Variants in PRKDC observed in about 807,000 individuals in gnomAD.
PRKDC encodes the protein DNA-dependent protein kinase catalytic subunit.
In PRKDC, 82 loss-of-function variants were observed where a neutral mutation model predicts 486.9. The observed-to-expected ratio is 0.17, with a 90% CI of 0.14 to 0.20. PRKDC has a LOEUF of 0.20. Among genes scored for constraint, PRKDC ranks in the 10% least tolerant of loss-of-function variants. PRKDC has a pLI of 1.00. For missense variants in PRKDC, 4,504 were observed against 5,038.2 expected (o/e 0.89, Z 3.21); for synonymous variants, 1,895 against 1,837.0 (o/e 1.03, Z -0.81).
At chr8:47,941,446 G>A (rs1048632984) in intron 10 of PRKDC, among the ~76,000 whole-genome samples, 5 of 152,228 alleles carry the variant, frequency 3.3e-5, no homozygotes, top group South Asian at 2.1e-4. Context: ...CCTGGAAGCC[G>A]AGACCCAACA....
intron 4 of PRKDC, among the ~76,000 whole-genome samples, chr8:47,955,228 C>T (rs1278904464): frequency 1.3e-5 from 2 of 151,400 alleles, no homozygotes; most frequent in Non-Finnish European, 2.9e-5. Flanking sequence ...TTTGGGAGGC[C>T]GAGGCGGGCG....
intron 20 of PRKDC, 110 bp from the exon 21 acceptor site, chr8:47,927,463 A>G: frequency 1.6e-6 from 2 of 1,260,660 alleles, no homozygotes; most frequent in Non-Finnish European, 2.2e-6. Flanking sequence ...TTATTACTGG[A>G]TGCCCGACAC....
chr8:47,834,876 G>C (rs1476136164), intron 58 of PRKDC, among the ~76,000 whole-genome samples: 1 of 151,868 alleles, frequency 6.6e-6, no homozygotes, highest in Non-Finnish European at 1.5e-5. Context: ...ATTTTTAGTA[G>C]AGACGGGGTT....
At chr8:47,824,819 T>C (rs886109936) in intron 63 of PRKDC, among the ~76,000 whole-genome samples, 1 of 152,194 alleles carries the variant, frequency 6.6e-6, no homozygotes, top group Non-Finnish European at 1.5e-5. Flanking sequence ...AGGAAATTTC[T>C]TTCCATCTTG....
chr8:47,911,830 C>A (rs1168571405), intron 25 of PRKDC, among the ~76,000 whole-genome samples: 1 of 151,632 alleles, frequency 6.6e-6, no homozygotes, highest in African/African-American at 2.4e-5. Context: ...AGTGCAGTGG[C>A]GTGATCTCAG....
chr8:47,855,266 C>G lies in PRKDC; in HGVS notation c.6717G>C (p.Lys2239Asn), dbSNP rs2088508650. The G allele has an allele frequency of 1.2e-6, 2 of 1,604,634 alleles. No individual in the cohort carries two copies. Among genetic ancestry groups the G allele is most frequent in the Non-Finnish European group, 8.5e-7 (1 of 1,175,158 alleles). Residue 2239 changes from lysine (K) to asparagine (N), a missense_variant, in exon 50 of 86, where the codon AAG becomes AAC. Lys to Asn is a moderately conservative substitution (Grantham distance 94). Around this residue, in one of 6 missense-constraint regions of PRKDC, gnomAD observed 1,592 missense variants for 1,724.6 expected, o/e 0.92. Coordinates refer to ENST00000314191, the MANE Select transcript of PRKDC (RefSeq NM_006904.7). ...AATCCTTCCAGCACTCGACAAGGGTCTTTATAATTTCAAGGTTGTGTCTAA... is the reference window on the plus strand; with the variant it reads ...AATCCTTCCAGCACTCGACAAGGGTGTTTATAATTTCAAGGTTGTGTCTAA... ...AVFRHNLEII[K>N]TLVECWKDCL...
chr8:47,876,542 TC>T (rs536628847), intron 40 of PRKDC, among the ~76,000 whole-genome samples: 24 of 151,856 alleles, frequency 1.6e-4, no homozygotes, highest in African/African-American at 5.6e-4. Flanking sequence ...GTGCCTGTAA[TC>T]CCAGCTACTC....
chr8:47,812,439 T>C (rs775269911), intron 68 of PRKDC, among the ~76,000 whole-genome samples: 5 of 152,234 alleles, frequency 3.3e-5, no homozygotes, highest in Non-Finnish European at 7.3e-5. Flanking sequence ...GGGTGTTTTC[T>C]GACCACAGTG....
In PRKDC at chr8:47,948,207, G is replaced by A. The variant is rs533301829; in HGVS notation, c.722-4178C>T. 1.9e-4 allele frequency among the ~76,000 whole-genome samples: 29 copies of A among 151,996 alleles called. No individual in the cohort carries two copies. In the South Asian group the frequency reaches 2.5e-3, roughly 13 times the overall value. On this transcript the variant is annotated intron_variant, in intron 7 of 85. Transcript: ENST00000314191. ...TTGCCAGGCTGGAGGGCAGTGGCGC[G>A]ATCTCGGGTCACTGCAGCCTCTGCC...
intron 22 of PRKDC, 145 bp downstream of exon 22, chr8:47,918,132 C>A: frequency 2.0e-6 from 1 of 505,658 alleles, no homozygotes; most frequent in Non-Finnish European, 3.3e-6. Context: ...CATGCCTGGT[C>A]AATATATTAA....
chr8:47,777,065 T>C (rs966617714), intron 84 of PRKDC, 82 bp from the exon 85 acceptor site: 1 of 1,488,722 alleles, frequency 6.7e-7, no homozygotes, highest in Non-Finnish European at 9.0e-7. Context: ...CTAGTAATGA[T>C]CTTAAAGTAA....
chr8:47,817,492 T>G lies in PRKDC; in HGVS notation c.9515A>C (p.Lys3172Thr), dbSNP rs1307279928. Residue 3172 changes from lysine (K) to threonine (T), a missense_variant, in exon 68 of 86, where the codon AAA (lysine) becomes ACA (threonine). By Grantham distance (78) the Lys-to-Thr change is moderately conservative. Coordinates refer to ENST00000314191, the MANE Select transcript of PRKDC (RefSeq NM_006904.7). ...ATCCCAGATGTTCATTGGGTCCATT[T>G]TAGCATCTGGATATCTGTTTGTCCA... The part of the protein sequence containing the change: ...NTWTNRYPDA[K>T]MDPMNIWDDI... The G allele has an allele frequency of 2.2e-5, 35 of 1,608,158 alleles. No homozygotes were observed. The highest frequency in any genetic ancestry group is 2.9e-5 in the Non-Finnish European group (34 of 1,176,942).
At chr8:47,941,272 C>G (rs1554646002) in intron 10 of PRKDC, among the ~76,000 whole-genome samples, 1 of 152,164 alleles carries the variant, frequency 6.6e-6, no homozygotes, top group Non-Finnish European at 1.5e-5. Context: ...CCTCTTTCTT[C>G]CTCTCTCCTC....
At chr8:47,932,957 T>A in intron 16 of PRKDC, 63 bp downstream of exon 16, 2 of 1,429,160 alleles carry the variant, frequency 1.4e-6, no homozygotes, top group Non-Finnish European at 1.9e-6. Context: ...CCCCTAAATA[T>A]TTATATGCAA....
intron 40 of PRKDC, among the ~76,000 whole-genome samples, chr8:47,877,231 T>C (rs1318214122): frequency 1.3e-5 from 2 of 152,318 alleles, no homozygotes; most frequent in Admixed American, 6.5e-5. Flanking sequence ...AACAGTGAAA[T>C]GCCATGTATG....
chr8:47,843,614 T>C (rs2088200786), intron 54 of PRKDC, among the ~76,000 whole-genome samples: 2 of 152,040 alleles, frequency 1.3e-5, no homozygotes, highest in South Asian at 2.1e-4. Context: ...CCAAGGTCGA[T>C]GTGAAAGAAA....
intron 76 of PRKDC, among the ~76,000 whole-genome samples, chr8:47,787,425 T>C (rs2086809036): frequency 6.6e-6 from 1 of 152,252 alleles, no homozygotes; most frequent in Non-Finnish European, 1.5e-5. Context: ...CATCATCCTA[T>C]CTGAAAGACA....
intron 61 of PRKDC, among the ~76,000 whole-genome samples, chr8:47,829,061 G>T (rs1461058977): frequency 6.6e-6 from 1 of 152,226 alleles, no homozygotes; most frequent in Non-Finnish European, 1.5e-5. Context: ...ATGGAGGCAT[G>T]AAAGCATGAT....
chr8:47,956,049 T>C, intron 3 of PRKDC, 101 bp from the exon 4 acceptor site: 3 of 861,028 alleles, frequency 3.5e-6, no homozygotes, highest in Non-Finnish European at 5.5e-6. Context: ...AATACCAAAA[T>C]TCAGTATTTA....
Sources: allele counts gnomAD v4.1 joint callset (sites outside exome capture counted in the v4.1 genomes callset), GRCh38; gene constraint gnomAD v4.1.1; regional missense constraint gnomAD v4.1.1; transcripts MANE v1.5; gene names NCBI Gene and HGNC (gene_info 2026-07-23, HGNC 2026-07-21).